The following EPHB2 variants were observed in gnomAD, a reference collection of about 807,000 sequenced individuals.
The protein encoded by EPHB2 is EPH receptor B2, also known as ephrin type-B receptor 2.
A neutral mutation model predicts 96.4 loss-of-function variants in EPHB2; 18 were observed. That is an observed-to-expected ratio of 0.19 (90% CI 0.13 to 0.28). The LOEUF (loss-of-function observed/expected upper bound fraction) is 0.28, where lower values mean the gene tolerates loss of function less well. Ranked by LOEUF, EPHB2 falls within the 10% of genes least tolerant of loss-of-function variation. The probability of loss-of-function intolerance (pLI) is 1.00; values close to 1 mark genes in which losing one functional copy is unlikely to be tolerated. For synonymous variants in EPHB2, 506 were observed against 534.1 expected (o/e 0.95, Z 0.72); for missense variants, 989 against 1,355.4 (o/e 0.73, Z 4.25).
intron 3 of EPHB2, among the ~76,000 whole-genome samples, chr1:22,828,717 A>G (rs543772470): frequency 1.3e-5 from 2 of 152,348 alleles, no homozygotes; most frequent in South Asian, 2.1e-4. Flanking sequence ...AGGCCTAGAA[A>G]GGTTGTAATC....
intron 9 of EPHB2, among the ~76,000 whole-genome samples, chr1:22,899,426 G>A (rs868589244): frequency 6.6e-6 from 1 of 151,736 alleles, no homozygotes; most frequent in Non-Finnish European, 1.5e-5. Context: ...CCTTGAACCC[G>A]GGAGGTGAAG....
intron 3 of EPHB2, among the ~76,000 whole-genome samples, chr1:22,848,564 G>A (rs1233851479): frequency 6.6e-6 from 1 of 152,212 alleles, no homozygotes; most frequent in Non-Finnish European, 1.5e-5. Flanking sequence ...TTTCACTGGG[G>A]TGGCTGCCAA....
intron 3 of EPHB2, among the ~76,000 whole-genome samples, chr1:22,843,336 A>C (rs1645495583): frequency 6.6e-6 from 1 of 152,090 alleles, no homozygotes; most frequent in Non-Finnish European, 1.5e-5. Flanking sequence ...TGCTCTTGCC[A>C]CTGTGTTTTT....
Position 22,784,849 on chromosome 1 carries a change from G to T in EPHB2, c.584G>T (p.Arg195Leu). 2 of 1,608,760 alleles carry T rather than the reference G, an allele frequency of 1.2e-6. No homozygotes were observed. Among genetic ancestry groups the T allele is most frequent in the Non-Finnish European group, 1.7e-6 (2 of 1,176,654 alleles). ...MSLIAVRVFYRKCPRIIQNGA... is the reference protein window; with the variant it reads ...MSLIAVRVFYLKCPRIIQNGA... Reference sequence around the variant, plus strand: ...CTCATCGCCGTGCGTGTCTTCTACCGCAAGTGCCCCCGCATCATCCAGAAT... The same window carrying T: ...CTCATCGCCGTGCGTGTCTTCTACCTCAAGTGCCCCCGCATCATCCAGAAT... Residue 195 changes from arginine (R) to leucine (L), a missense_variant, in exon 3 of 16, where the codon CGC (arginine) becomes CTC (leucine). By Grantham distance (102) the Arg-to-Leu change is moderately radical. Transcript: ENST00000374630. This position sits in a 1 kb window ranked among gnomAD's most constrained non-coding sequence, Gnocchi z 5.1.
chr1:22,802,716 C>T (rs1039216910), intron 3 of EPHB2, among the ~76,000 whole-genome samples: 1 of 152,160 alleles, frequency 6.6e-6, no homozygotes, highest in Non-Finnish European at 1.5e-5. Context: ...ATGCCCTTCC[C>T]CACAGAGGGA....
At chr1:22,853,793 G>A (rs542108571) in intron 3 of EPHB2, among the ~76,000 whole-genome samples, 5 of 152,368 alleles carry the variant, frequency 3.3e-5, no homozygotes, top group African/African-American at 1.2e-4. Context: ...AGGGGAGGCT[G>A]AAGCAGGCCG....
At chr1:22,812,212 C>T (rs923864502) in intron 3 of EPHB2, among the ~76,000 whole-genome samples, 2 of 152,154 alleles carry the variant, frequency 1.3e-5, no homozygotes, top group African/African-American at 4.8e-5. Context: ...CAGTCATACC[C>T]CACTTGTCCT....
intron 3 of EPHB2, among the ~76,000 whole-genome samples, chr1:22,803,278 G>T (rs530402811): frequency 6.6e-6 from 1 of 152,230 alleles, no homozygotes; most frequent in South Asian, 2.1e-4. Flanking sequence ...CCGCTGTGGA[G>T]TTGGCAGCCA....
chr1:22,782,232 T>G (rs1644543475), intron 2 of EPHB2, among the ~76,000 whole-genome samples: 1 of 152,198 alleles, frequency 6.6e-6, no homozygotes, highest in South Asian at 2.1e-4. Context: ...GTTTTAGACC[T>G]CACAAGACTG....
chr1:22,912,232 G>T (rs766587684), intron 14 of EPHB2, among the ~76,000 whole-genome samples: 1 of 152,092 alleles, frequency 6.6e-6, no homozygotes, highest in East Asian at 1.9e-4. Flanking sequence ...ACTCACTCTC[G>T]CATGCTCACA....
chr1:22,765,829 G>T (rs1330702356), intron 1 of EPHB2, among the ~76,000 whole-genome samples: 1 of 152,114 alleles, frequency 6.6e-6, no homozygotes. Flanking sequence ...TTGTGGGACT[G>T]ACAAGGAACC....
intron 1 of EPHB2, among the ~76,000 whole-genome samples, chr1:22,759,087 A>T (rs1644197922): frequency 6.6e-6 from 1 of 152,162 alleles, no homozygotes; most frequent in African/African-American, 2.4e-5. Context: ...TGACAGAATC[A>T]GATAATGATT....
intron 8 of EPHB2, among the ~76,000 whole-genome samples, chr1:22,896,110 C>A (rs773936464): frequency 6.6e-6 from 1 of 152,328 alleles, no homozygotes; most frequent in South Asian, 2.1e-4. Flanking sequence ...TCAGAATAGA[C>A]TGAACCATAA....
intron 5 of EPHB2, among the ~76,000 whole-genome samples, chr1:22,879,935 C>T (rs1372655540): frequency 1.3e-5 from 2 of 152,238 alleles, no homozygotes; most frequent in Non-Finnish European, 2.9e-5. Context: ...GGTCTAAGTC[C>T]TTCTTGCAGG....
At chr1:22,835,212 T>G (rs1354144372) in intron 3 of EPHB2, among the ~76,000 whole-genome samples, 1 of 152,068 alleles carries the variant, frequency 6.6e-6, no homozygotes, top group Non-Finnish European at 1.5e-5. Flanking sequence ...AAACCTCATC[T>G]CTACAAAACA....
At chr1:22,836,048 G>A (rs578144197) in intron 3 of EPHB2, 1 of 152,052 alleles carries the variant, frequency 6.6e-6, no homozygotes, top group East Asian at 1.9e-4. Flanking sequence ...TATGAATTCA[G>A]CTCGTACTCG....
At chr1:22,763,315 G>A (rs1011245372) in intron 1 of EPHB2, among the ~76,000 whole-genome samples, 1 of 152,164 alleles carries the variant, frequency 6.6e-6, no homozygotes, top group Non-Finnish European at 1.5e-5. Flanking sequence ...GGGTTTGGTA[G>A]GTGGAAAACA....
At position 22,876,689 on chromosome 1, in the gene EPHB2, C is replaced by A. The variant is rs575744261; in HGVS notation, c.1304-5670C>A. 1.8e-4 allele frequency among the ~76,000 whole-genome samples: 28 copies of A among 152,312 alleles called. No homozygotes were observed. The East Asian group carries it at 5.4e-3, about 29-fold the overall frequency. On this transcript the variant is annotated intron_variant, in intron 5 of 15. Coordinates refer to ENST00000374630, the MANE Select transcript of EPHB2 (RefSeq NM_017449.5). ...TGAAAATACCAGAATTCCCTGATGA[C>A]CAACTTACAGGGAAACCTGACACCC...
At chr1:22,808,522 G>A (rs12133964) in intron 3 of EPHB2, among the ~76,000 whole-genome samples, 29,616 of 152,194 alleles carry the variant, frequency 0.19, 2,971 homozygotes, top group South Asian at 0.33. Flanking sequence ...CCTGGGAGCT[G>A]GTGAGTGTGG....
Sources: allele counts gnomAD v4.1 joint callset (sites outside exome capture counted in the v4.1 genomes callset), GRCh38; gene constraint gnomAD v4.1.1; non-coding constraint Gnocchi (gnomAD v3.1); transcripts MANE v1.5; gene names NCBI Gene and HGNC (gene_info 2026-07-23, HGNC 2026-07-21).